MTF2: variants seen among roughly 807,000 people sequenced by gnomAD.
MTF2 encodes metal-response element-binding transcription factor 2.
A neutral mutation model predicts 79.5 loss-of-function variants in MTF2; 11 were observed. That is an observed-to-expected ratio of 0.14 (90% CI 0.09 to 0.23). The LOEUF is 0.23. MTF2 is among the 10% of genes least tolerant of loss of function. MTF2 has a pLI of 1.00. For missense variants in MTF2, 486 were observed against 711.2 expected (o/e 0.68, Z 3.60); for synonymous variants, 208 against 232.8 (o/e 0.89, Z 0.97).
At chr1:93,111,956 G>GT (rs1656045299) in intron 3 of MTF2, among the ~76,000 whole-genome samples, 1 of 152,128 alleles carries the variant, frequency 6.6e-6, no homozygotes, top group African/African-American at 2.4e-5. Flanking sequence ...TGGATTTAAT[G>GT]TAATAGGTCT....
In MTF2 at chr1:93,119,322, T is replaced by TC; in HGVS notation, c.729-11_729-10insC. The TC allele has an allele frequency of 6.4e-7, 1 of 1,555,410 alleles. No individual in the cohort carries two copies. Among genetic ancestry groups the TC allele is most frequent in the Non-Finnish European group, 8.7e-7 (1 of 1,152,126 alleles). On this transcript the variant is annotated splice_polypyrimidine_tract_variant and intron_variant, in intron 7 of 14. Transcript: ENST00000370298. ...CAGTATAAAACTTTTTCTTTTTTTT[T>TC]TTTTTCTTAGATTTTATACGTTTAT...
rs547511024 is a variant in MTF2, at chr1:93,134,443, A to T, written c.1424+248A>T. The T allele has an allele frequency of 7.0e-6, 3 of 426,196 alleles. No individual in the cohort carries two copies. In the East Asian group the frequency reaches 1.3e-4, roughly 18 times the overall value. The allele number at this position is 426,196 out of a possible 1,614,324, so 26.4% of individuals were successfully genotyped here. The stretch of plus-strand genomic sequence containing the variant: ...TTTGCTGTGTACACAGAGAAAAAGT[A>T]TACCATTGTTTAGAAGCTGTGCTCG... On this transcript the variant is annotated intron_variant, in intron 14 of 14. Coordinates refer to ENST00000370298, the MANE Select transcript of MTF2 (RefSeq NM_007358.4).
intron 1 of MTF2, among the ~76,000 whole-genome samples, chr1:93,087,714 C>T (rs189852585): frequency 2.6e-5 from 4 of 152,288 alleles, no homozygotes; most frequent in East Asian, 1.9e-4. Context: ...TATGTGACCT[C>T]GGTTCATAAT....
At chr1:93,115,724 C>T in intron 6 of MTF2, 106 bp downstream of exon 6, 1 of 845,952 alleles carries the variant, frequency 1.2e-6, no homozygotes, top group East Asian at 3.2e-5. Flanking sequence ...TGCATGAACA[C>T]ATCAGTGAAG....
rs746875169 is a variant in MTF2 at position 93,120,552 on chromosome 1, A to G, written c.801A>G (p.Val267=). 6 of 1,583,468 alleles carry G rather than the reference A, an allele frequency of 3.8e-6. No individual in the cohort carries two copies. The highest frequency in any genetic ancestry group is 2.4e-5 in the South Asian group (2 of 84,990). ...TTTGATTATTTTCGGATTCCAGGGT[A>G]GATATAGCACACCTATGCCTTTACA... The part of the protein sequence containing the change: ...EYLKRLPLQW[V]DIAHLCLYNL... The change falls in exon 9 of 15, where the codon GTA becomes GTG. Residue 267 remains valine (V), a synonymous_variant. Coordinates refer to ENST00000370298, the MANE Select transcript of MTF2 (RefSeq NM_007358.4).
intron 1 of MTF2, among the ~76,000 whole-genome samples, chr1:93,081,911 T>A (rs1331358901): frequency 6.6e-6 from 1 of 152,232 alleles, no homozygotes; most frequent in Non-Finnish European, 1.5e-5. Context: ...ATTGTTACAT[T>A]CATTAACCAT....
Position 93,127,221 on chromosome 1 carries a change from A to T in MTF2, c.922-11A>T. On this transcript the variant is annotated splice_polypyrimidine_tract_variant and intron_variant, in intron 9 of 14. Coordinates refer to ENST00000370298, the MANE Select transcript of MTF2 (RefSeq NM_007358.4). Reference sequence around the variant, plus strand: ...TTGTAGTGCGTTAAATTGTTTCTTGATACTTCACAGCTGGCAGACACACCA... The same window carrying T: ...TTGTAGTGCGTTAAATTGTTTCTTGTTACTTCACAGCTGGCAGACACACCA... 6.2e-7 allele frequency: 1 copy of T among 1,602,672 alleles called. No homozygotes were observed. The highest frequency in any genetic ancestry group is 1.1e-5 in the South Asian group (1 of 90,828).
chr1:93,119,480 A>C, intron 8 of MTF2, 79 bp downstream of exon 8: 1 of 1,068,150 alleles, frequency 9.4e-7, no homozygotes, highest in Non-Finnish European at 1.4e-6. Flanking sequence ...ATATACATTT[A>C]CTTGGCTTAA....
Position 93,133,710 on chromosome 1 carries a change from A to G in MTF2, c.1168A>G (p.Ser390Gly), listed in dbSNP as rs1187078244. ...AATGGTTTTCCATTTCAGGGAAGTAAGCAATGGCATAGAAAAAAAAGGAAA... is the reference window on the plus strand; with the variant it reads ...AATGGTTTTCCATTTCAGGGAAGTAGGCAATGGCATAGAAAAAAAAGGAAA... ...SKPISDSREV[S>G]NGIEKKGKKK... Residue 390 changes from serine to glycine, a missense_variant, in exon 12 of 15, where the codon AGC (serine) becomes GGC (glycine). By Grantham distance (56) the Ser-to-Gly change is moderately conservative (BLOSUM62 0). Transcript: ENST00000370298. The G allele has an allele frequency of 1.2e-6, 2 of 1,608,566 alleles. No individual in the cohort carries two copies. The highest frequency in any genetic ancestry group is 2.2e-5 in the East Asian group (1 of 44,758).
At chr1:93,100,179 CTG>C (rs1481483801) in intron 1 of MTF2, among the ~76,000 whole-genome samples, 2 of 152,132 alleles carry the variant, frequency 1.3e-5, no homozygotes, top group Non-Finnish European at 2.9e-5. Context: ...CCACTTGCCT[CTG>C]AGAGTAAGAC....
intron 3 of MTF2, 57 bp downstream of exon 3, chr1:93,110,683 C>A: frequency 7.4e-7 from 1 of 1,342,970 alleles, no homozygotes; most frequent in Non-Finnish European, 1.1e-6. Context: ...TTTTCTTCAA[C>A]TTGTCATATT....
At position 93,129,334 on chromosome 1, in the gene MTF2, G is replaced by A. The variant is rs1275420195; in HGVS notation, c.1046G>A (p.Arg349His). Reference protein sequence around the residue: ...KKKHLFGLRIRVPPVPPNVAF... With the variant: ...KKKHLFGLRIHVPPVPPNVAF... The stretch of plus-strand genomic sequence containing the variant: ...AAGCATTTGTTTGGGTTGCGAATTC[G>A]TGTTCCTCCTGTGCCACCAAATGTG... Residue 349 changes from arginine to histidine, a missense_variant, in exon 11 of 15, where the codon CGT (arginine) becomes CAT (histidine). Arg to His is a conservative substitution (Grantham distance 29, BLOSUM62 0). This residue lies in a region of MTF2 where 177 missense variants were observed against 364.0 expected (regional missense o/e 0.49). Transcript: ENST00000370298. The A allele has an allele frequency of 7.5e-6, 12 of 1,590,686 alleles. No individual in the cohort carries two copies. Among genetic ancestry groups the A allele is most frequent in the East Asian group, 4.5e-5 (2 of 44,534 alleles).
At chr1:93,090,812 C>T (rs1172186740) in intron 1 of MTF2, among the ~76,000 whole-genome samples, 5 of 151,346 alleles carry the variant, frequency 3.3e-5, no homozygotes, top group Admixed American at 6.6e-5. Context: ...TATAGGCACC[C>T]GCCACCATGC....
chr1:93,094,322 A>C (rs1315233655), intron 1 of MTF2, among the ~76,000 whole-genome samples: 1 of 152,186 alleles, frequency 6.6e-6, no homozygotes, highest in Non-Finnish European at 1.5e-5. Context: ...AAAGTAGAAC[A>C]TTGCCAGCTA....
chr1:93,121,156 G>C (rs1656459971), intron 9 of MTF2: 1 of 984,808 alleles, frequency 1.0e-6, no homozygotes, highest in Non-Finnish European at 1.2e-6. Flanking sequence ...TGCCTGAATA[G>C]AAAATTATCC....
intron 1 of MTF2, among the ~76,000 whole-genome samples, chr1:93,094,776 A>G (rs1399132232): frequency 1.3e-5 from 2 of 152,168 alleles, no homozygotes; most frequent in African/African-American, 2.4e-5. Context: ...GCAGCTACTG[A>G]TGCTCAGTGC....
intron 1 of MTF2, among the ~76,000 whole-genome samples, chr1:93,084,574 T>G (rs1350156233): frequency 6.6e-6 from 1 of 152,216 alleles, no homozygotes; most frequent in Non-Finnish European, 1.5e-5. Context: ...TATAGATTGA[T>G]TTGGGAAGAC....
At chr1:93,080,443 G>C (rs74546595) in intron 1 of MTF2, among the ~76,000 whole-genome samples, 176 of 152,168 alleles carry the variant, frequency 1.2e-3, no homozygotes, top group African/African-American at 4.1e-3. Flanking sequence ...TAACAGCAAG[G>C]GTTTGTGAAC....
intron 11 of MTF2, among the ~76,000 whole-genome samples, chr1:93,133,473 C>A (rs1327541136): frequency 6.6e-6 from 1 of 152,002 alleles, no homozygotes; most frequent in East Asian, 1.9e-4. Context: ...AGAGGACTTT[C>A]TTTAAACCTT....
Sources: gnomAD v4.1 joint callset for allele counts (sites outside exome capture counted in the v4.1 genomes callset) on GRCh38, gnomAD v4.1.1 for gene constraint, gnomAD v4.1.1 regional missense constraint, MANE v1.5 for transcripts, NCBI Gene and HGNC (gene_info 2026-07-23, HGNC 2026-07-21) for gene names.